Variants in FSHR observed in about 807,000 individuals in gnomAD.
FSHR encodes the protein follicle stimulating hormone receptor.
A neutral mutation model predicts 52.1 loss-of-function variants in FSHR; 46 were observed. The observed-to-expected ratio is 0.88, with a 90% CI of 0.70 to 1.13. The LOEUF is 1.13. Ranked by LOEUF, FSHR falls within the 50% of genes most tolerant of loss-of-function variation. The pLI, the probability that FSHR is intolerant of heterozygous loss-of-function variation, is 0.00. For missense variants in FSHR, 964 were observed against 834.6 expected, an observed-to-expected ratio of 1.16 and a Z score of -1.91; for synonymous variants, 399 against 309.6, an observed-to-expected ratio of 1.29 and a Z score of -3.03.
intron 1 of FSHR, among the ~76,000 whole-genome samples, chr2:49,097,985 T>C (rs1389389730): frequency 6.6e-6 from 1 of 152,186 alleles, no homozygotes; most frequent in East Asian, 1.9e-4. Context: ...TCTACCATTA[T>C]ATATCTATAT....
At chr2:48,989,487 T>C (rs1675671959) in intron 5 of FSHR, among the ~76,000 whole-genome samples, 1 of 152,172 alleles carries the variant, frequency 6.6e-6, no homozygotes, top group African/African-American at 2.4e-5. Flanking sequence ...TTCACCATGT[T>C]GCCCAGGCTG....
At chr2:48,973,244 A>G (rs1674822599) in intron 8 of FSHR, among the ~76,000 whole-genome samples, 1 of 147,464 alleles carries the variant, frequency 6.8e-6, no homozygotes, top group African/African-American at 2.7e-5. Context: ...ACAGAGTTAG[A>G]GAAGACACCA....
intron 6 of FSHR, among the ~76,000 whole-genome samples, chr2:48,984,188 A>G (rs1675382289): frequency 1.3e-5 from 2 of 152,206 alleles, no homozygotes; most frequent in African/African-American, 2.4e-5. Context: ...GAACAACTGT[A>G]TGTCTTTTTC....
chr2:49,100,895 T>C (rs946036865), intron 1 of FSHR, among the ~76,000 whole-genome samples: 4 of 151,874 alleles, frequency 2.6e-5, no homozygotes, highest in African/African-American at 4.8e-5. Context: ...GGGAAGGAGA[T>C]TGAGAAAGAA....
chr2:48,981,957 C>T (rs577431545), intron 8 of FSHR, among the ~76,000 whole-genome samples: 2 of 152,310 alleles, frequency 1.3e-5, no homozygotes, highest in Admixed American at 1.3e-4. Context: ...GATTTATTAA[C>T]ATGTTTATCT....
chr2:48,962,962 C>T lies in FSHR; in HGVS notation c.1859G>A (p.Cys620Tyr). The T allele has an allele frequency of 1.2e-6, 2 of 1,614,108 alleles. No homozygotes were observed. The highest frequency in any genetic ancestry group is 1.7e-6 in the Non-Finnish European group (2 of 1,180,024). The change falls in exon 10 of 10, where the codon TGT becomes TAT. Residue 620 changes from cysteine to tyrosine, a missense_variant. By Grantham distance (194) the Cys-to-Tyr change is radical. Transcript: ENST00000406846. ...LLVLFHPINS[C>Y]ANPFLYAIFT... ...GATGGCATAGAGGAAGGGGTTGGCA[C>T]AGGAGTTGATGGGGTGAAACAGAAC...
rs17038247 is a variant in FSHR, at chr2:49,111,137, G to A, written c.153-42847C>T. Among the ~76,000 whole-genome samples the A allele has an allele frequency of 5.9e-3, 902 of 152,248 alleles. 12 individuals are homozygous for A. Among genetic ancestry groups the A allele is most frequent in the Middle Eastern group, 0.031 (9 of 294 alleles). On this transcript the variant is annotated intron_variant, in intron 1 of 9. Coordinates refer to ENST00000406846, the MANE Select transcript of FSHR (RefSeq NM_000145.4). ...GTTGTCACTATCTTGTCCTTATTAA[G>A]CCATTAGGACATATGAGAGCCATGT...
At chr2:49,020,665 A>AT (rs2104221572) in intron 2 of FSHR, among the ~76,000 whole-genome samples, 1 of 152,348 alleles carries the variant, frequency 6.6e-6, no homozygotes, top group Admixed American at 6.5e-5. Context: ...AACTTTATTC[A>AT]TAAAAACAGG....
intron 1 of FSHR, among the ~76,000 whole-genome samples, chr2:49,136,701 G>C (rs1268151497): frequency 6.6e-6 from 1 of 152,020 alleles, no homozygotes; most frequent in Non-Finnish European, 1.5e-5. Flanking sequence ...GGGTGGCAAA[G>C]TTGGTTTAAT....
intron 1 of FSHR, among the ~76,000 whole-genome samples, chr2:49,125,622 A>G (rs1468534566): frequency 6.6e-6 from 1 of 152,238 alleles, no homozygotes; most frequent in Non-Finnish European, 1.5e-5. Flanking sequence ...TGTTGAATTC[A>G]CGAATGAATT....
At chr2:49,122,410 G>T (rs1476118625) in intron 1 of FSHR, among the ~76,000 whole-genome samples, 1 of 152,136 alleles carries the variant, frequency 6.6e-6, no homozygotes, top group Non-Finnish European at 1.5e-5. Context: ...CAGCTTCCAT[G>T]GTTACTACAG....
chr2:49,033,367 T>A (rs1668168320), intron 2 of FSHR, among the ~76,000 whole-genome samples: 1 of 152,218 alleles, frequency 6.6e-6, no homozygotes, highest in South Asian at 2.1e-4. Flanking sequence ...AAGAAGAACC[T>A]GAGCATGGAT....
Position 49,004,401 on chromosome 2 carries a change from T to G in FSHR, c.374+13088A>C, listed in dbSNP as rs374962908. ...GGGGAAGAGGAGCTGGGAAGTGAAG[T>G]GGTCTGCAAGATGCCAAATGTTCTT... On this transcript the variant is annotated intron_variant, in intron 4 of 9. Coordinates refer to ENST00000406846, the MANE Select transcript of FSHR (RefSeq NM_000145.4). Among the ~76,000 whole-genome samples, 767 of 152,266 alleles carry G rather than the reference T, an allele frequency of 5.0e-3. 9 individuals are homozygous for G. The highest frequency in any genetic ancestry group is 0.018 in the African/African-American group (735 of 41,572).
chr2:48,966,496 A>C (rs1674483564), intron 9 of FSHR, among the ~76,000 whole-genome samples: 1 of 152,246 alleles, frequency 6.6e-6, no homozygotes, highest in South Asian at 2.1e-4. Context: ...GGAAGAGCCC[A>C]GGAAGAGTCC....
intron 4 of FSHR, among the ~76,000 whole-genome samples, chr2:48,997,662 C>T (rs1676084130): frequency 6.6e-6 from 1 of 152,048 alleles, no homozygotes; most frequent in African/African-American, 2.4e-5. Context: ...ACAACTTAGC[C>T]CCGTGACCAG....
chr2:49,029,816 C>T (rs553257810), intron 2 of FSHR, among the ~76,000 whole-genome samples: 1 of 152,332 alleles, frequency 6.6e-6, no homozygotes, highest in South Asian at 2.1e-4. Flanking sequence ...CTTTGTTCCT[C>T]ATCTATAAAA....
intron 1 of FSHR, among the ~76,000 whole-genome samples, chr2:49,096,755 G>A (rs72879844): frequency 0.02 from 3,002 of 152,236 alleles, 87 homozygotes; most frequent in African/African-American, 0.069. Context: ...GATGGGGCCT[G>A]GTGGGAGGTA....
intron 1 of FSHR, among the ~76,000 whole-genome samples, chr2:49,122,311 T>A (rs1469441757): frequency 6.6e-6 from 1 of 152,184 alleles, no homozygotes; most frequent in African/African-American, 2.4e-5. Flanking sequence ...GACAGAACTG[T>A]CATCTTCCTA....
rs143311948 is a variant in FSHR, at chr2:49,107,904, T to C, written c.153-39614A>G. 5.6e-4 allele frequency among the ~76,000 whole-genome samples: 85 copies of C among 152,290 alleles called. No homozygotes were observed. The South Asian group carries it at 0.017, about 30-fold the overall frequency. On this transcript the variant is annotated intron_variant, in intron 1 of 9. Coordinates refer to ENST00000406846, the MANE Select transcript of FSHR (RefSeq NM_000145.4). ...TTCAAATGAATATTGAAATATATTT[T>C]GAGTACACATTCCTTACCTGGACAC...
Sources: allele counts gnomAD v4.1 joint callset (sites outside exome capture counted in the v4.1 genomes callset), GRCh38; gene constraint gnomAD v4.1.1; transcripts MANE v1.5; gene names NCBI Gene and HGNC (gene_info 2026-07-23, HGNC 2026-07-21).